Variants in FOCAD observed in about 807,000 individuals in gnomAD.
FOCAD encodes KIAA1797.
FOCAD carries 198 observed loss-of-function variants against 225.6 expected under a neutral mutation model. The ratio of observed to expected loss-of-function variants is 0.88; its 90% confidence interval spans 0.78 to 0.99. The LOEUF (loss-of-function observed/expected upper bound fraction) is 0.99. FOCAD is among the 50% of genes least tolerant of loss of function. The pLI, the probability that FOCAD is intolerant of heterozygous loss-of-function variation, is 0.00. For synonymous variants in FOCAD, 897 were observed against 755.0 expected (o/e 1.19, Z -3.08); for missense variants, 2,713 against 2,123.6 (o/e 1.28, Z -5.46).
At chr9:20,881,096 A>T (rs1006450936) in intron 19 of FOCAD, among the ~76,000 whole-genome samples, 3 of 152,246 alleles carry the variant, frequency 2.0e-5, no homozygotes, top group Non-Finnish European at 4.4e-5. Flanking sequence ...TCATTTTAAA[A>T]TAATTGTCCT....
chr9:20,785,905 C>G (rs1174899494), intron 10 of FOCAD, among the ~76,000 whole-genome samples: 2 of 152,144 alleles, frequency 1.3e-5, no homozygotes, highest in Non-Finnish European at 2.9e-5. Context: ...TCTCCCTGTC[C>G]TCGACAATTG....
intron 15 of FOCAD, among the ~76,000 whole-genome samples, chr9:20,830,875 A>C (rs916595931): frequency 6.6e-6 from 1 of 151,956 alleles, no homozygotes; most frequent in African/African-American, 2.4e-5. Flanking sequence ...GAGTCTCACT[A>C]TGTTGACCAG....
At chr9:20,855,332 A>G (rs1587409669) in intron 15 of FOCAD, among the ~76,000 whole-genome samples, 1 of 151,728 alleles carries the variant, frequency 6.6e-6, no homozygotes, top group African/African-American at 2.4e-5. Context: ...AGCAGAAGAG[A>G]TGAGACTGGA....
intron 7 of FOCAD, among the ~76,000 whole-genome samples, chr9:20,767,567 G>A (rs1169549236): frequency 1.3e-5 from 2 of 151,694 alleles, no homozygotes; most frequent in Non-Finnish European, 2.9e-5. Context: ...GCATTTCTCT[G>A]ATGGCCAGTG....
In FOCAD at chr9:20,720,420, A is replaced by T. The variant is rs1349836859; in HGVS notation, c.173A>T (p.Asp58Val). 1.9e-6 allele frequency: 3 copies of T among 1,613,986 alleles called. No individual in the cohort carries two copies. In the African/African-American group the frequency reaches 4.0e-5, roughly 22 times the overall value. Residue 58 changes from aspartate (D) to valine (V), a missense_variant, in exon 4 of 44, where the codon GAC becomes GTC. Asp to Val is a radical substitution (Grantham distance 152, BLOSUM62 -3). Coordinates refer to ENST00000338382, the MANE Select transcript of FOCAD (RefSeq NM_001375567.1). ...LNLLWEKCCS[D>V]NVVVRTACCE... ...TTGCTGTGGGAGAAGTGTTGCAGTG[A>T]CAATGTAGTGGTTCGAACAGCCTGC...
In FOCAD at chr9:20,717,816, C is replaced by T. The variant is rs780873832; in HGVS notation, c.80C>T (p.Ala27Val). The change falls in exon 3 of 44, where the codon GCA becomes GTA. Residue 27 changes from alanine (A) to valine (V), a missense_variant. Physicochemically the swap from Ala to Val is moderately conservative, Grantham distance 64 (BLOSUM62 0). Coordinates refer to ENST00000338382, the MANE Select transcript of FOCAD (RefSeq NM_001375567.1). The stretch of plus-strand genomic sequence containing the variant: ...AAGGCTGTGGGTCATCTTATTGCTG[C>T]AGTCCTAAAGGAAAATGGTTTTTCA... ...QSQAVGHLIA[A>V]VLKENGFSEK... 3.1e-6 allele frequency: 5 copies of T among 1,612,266 alleles called. No individual in the cohort carries two copies. The Admixed American group carries it at 6.7e-5, about 22-fold the overall frequency.
chr9:20,664,065 A>G (rs1383344337), intron 2 of FOCAD, among the ~76,000 whole-genome samples: 1 of 152,058 alleles, frequency 6.6e-6, no homozygotes, highest in Non-Finnish European at 1.5e-5. Context: ...AAATATCAGC[A>G]TTGTTGTTTT....
At position 20,758,111 on chromosome 9, in the gene FOCAD, A is replaced by G. The variant is rs1829225317; in HGVS notation, c.414A>G (p.Ile138Met). Residue 138 changes from isoleucine (I) to methionine (M), a missense_variant, in exon 6 of 44, where the codon ATA (isoleucine) becomes ATG (methionine). Ile to Met is a conservative substitution (Grantham distance 10). Coordinates refer to ENST00000338382, the MANE Select transcript of FOCAD (RefSeq NM_001375567.1). ...YTIRNHPHPL[I>M]TVLEHRPDCW... is the part of the protein sequence containing the mutation. The stretch of plus-strand genomic sequence containing the variant: ...TCAGAAATCATCCTCATCCTTTGAT[A>G]ACTGTGCTTGAACACAGACCTGATT... 1.2e-6 allele frequency: 2 copies of G among 1,609,990 alleles called. No homozygotes were observed. Among genetic ancestry groups the G allele is most frequent in the Non-Finnish European group, 1.7e-6 (2 of 1,178,526 alleles).
Position 20,778,727 on chromosome 9 carries a change from T to A in FOCAD, c.953T>A (p.Leu318Gln), listed in dbSNP as rs562185967. ...ATAATTGGAATAGCTTTACTACTTCTACAGACTCCAGCAAGTCAGCAGAAG... is the reference window on the plus strand; with the variant it reads ...ATAATTGGAATAGCTTTACTACTTCAACAGACTCCAGCAAGTCAGCAGAAG... ...LVIIGIALLL[L>Q]QTPASQQKPI... Residue 318 changes from leucine to glutamine, a missense_variant, in exon 9 of 44, where the codon CTA becomes CAA. Leu to Gln is a moderately radical substitution (Grantham distance 113, BLOSUM62 -2). Transcript: ENST00000338382. The A allele has an allele frequency of 8.1e-6, 13 of 1,612,606 alleles. No homozygotes were observed. The highest frequency in any genetic ancestry group is 1.1e-5 in the Non-Finnish European group (13 of 1,179,052).
chr9:20,806,943 T>A (rs975905671), intron 11 of FOCAD, among the ~76,000 whole-genome samples: 6 of 152,206 alleles, frequency 3.9e-5, no homozygotes, highest in African/African-American at 1.4e-4. Flanking sequence ...ACCTTCTGCA[T>A]AGATTAAATT....
In FOCAD at chr9:20,883,974, G is replaced by A. The variant is rs558159835; in HGVS notation, c.2504-1135G>A. 3.3e-5 allele frequency among the ~76,000 whole-genome samples: 5 copies of A among 152,262 alleles called. No individual in the cohort carries two copies. The East Asian group carries it at 5.8e-4, about 18-fold the overall frequency. ...GGTTCAGCTGAGAGCTTAACTGACC[G>A]TTGTGGAAAGGGCAGGGAGAAGAGG... On this transcript the variant is annotated intron_variant, in intron 20 of 43. Transcript: ENST00000338382.
At chr9:20,968,431 CTTTTTTTTTT>C (rs35624897) in intron 35 of FOCAD, among the ~76,000 whole-genome samples, 9 of 43,638 alleles carry the variant, frequency 2.1e-4, no homozygotes, top group South Asian at 2.7e-3. Context: ...TTTTCTTATT[CTTTTTTTTTT>C]TTTTTTTTTT....
At chr9:20,977,422 C>T (rs1034148583) in intron 36 of FOCAD, among the ~76,000 whole-genome samples, 1 of 152,188 alleles carries the variant, frequency 6.6e-6, no homozygotes, top group African/African-American at 2.4e-5. Context: ...ACAGAATACA[C>T]ACCTCAACAC....
chr9:20,870,193 A>G (rs1052861923), intron 18 of FOCAD, among the ~76,000 whole-genome samples: 20 of 152,202 alleles, frequency 1.3e-4, no homozygotes, highest in Non-Finnish European at 7.3e-5. Flanking sequence ...TTTAGAAATA[A>G]TATAAAAGAA....
At position 20,964,054 on chromosome 9, in the gene FOCAD, AT is replaced by A. The variant is rs967955698; in HGVS notation, c.4132+10999del. On this transcript the variant is annotated intron_variant, in intron 35 of 43. Transcript: ENST00000338382. The stretch of plus-strand genomic sequence containing the variant: ...AAATGTATTTACTTTATTTGTCAGA[AT>A]TTTTTTTTTCCTTACAATAGCAGGG... 9.9e-5 allele frequency among the ~76,000 whole-genome samples: 15 copies of A among 151,076 alleles called. 1 individual carries two copies. Among genetic ancestry groups the A allele is most frequent in the East Asian group, 3.9e-4 (2 of 5,142 alleles).
At chr9:20,934,588 C>G (rs1404930917) in intron 28 of FOCAD, among the ~76,000 whole-genome samples, 3 of 151,810 alleles carry the variant, frequency 2.0e-5, no homozygotes, top group African/African-American at 7.3e-5. Flanking sequence ...TATTCTGTTC[C>G]GTTGTTCTAT....
chr9:20,917,769 C>A (rs1417268482), intron 24 of FOCAD, among the ~76,000 whole-genome samples: 5 of 152,150 alleles, frequency 3.3e-5, no homozygotes, highest in African/African-American at 1.2e-4. Flanking sequence ...ACAAAACCTT[C>A]TGTAGCTAAA....
chr9:20,851,782 C>G (rs1827683415), intron 15 of FOCAD, among the ~76,000 whole-genome samples: 1 of 151,864 alleles, frequency 6.6e-6, no homozygotes, highest in African/African-American at 2.4e-5. Flanking sequence ...TTAATAATCA[C>G]ATAGTCTAGT....
intron 7 of FOCAD, 27 bp downstream of exon 7, chr9:20,765,100 T>C: frequency 6.3e-7 from 1 of 1,581,538 alleles, no homozygotes; most frequent in Non-Finnish European, 8.6e-7. Flanking sequence ...CCTCCACAAA[T>C]ATAGGTCAGC....
Sources: allele counts gnomAD v4.1 joint callset (sites outside exome capture counted in the v4.1 genomes callset), GRCh38; gene constraint gnomAD v4.1.1; transcripts MANE v1.5; gene names NCBI Gene and HGNC (gene_info 2026-07-23, HGNC 2026-07-21).